Variants in LRRC3B observed in about 807,000 individuals in gnomAD.
LRRC3B encodes the protein leucine rich repeat containing 3B, also known as leucine-rich repeat-containing protein 3B.
LRRC3B carries 2 observed loss-of-function variants against 12.8 expected under a neutral mutation model. That is an observed-to-expected ratio of 0.16 (90% CI 0.06 to 0.49). The LOEUF (loss-of-function observed/expected upper bound fraction) is 0.49, where lower values mean the gene tolerates loss of function less well. Among genes scored for constraint, LRRC3B ranks in the 20% least tolerant of loss-of-function variants. The probability of loss-of-function intolerance (pLI) is 0.96; values close to 1 mark genes in which losing one functional copy is unlikely to be tolerated. For synonymous variants in LRRC3B, 132 were observed against 122.0 expected (o/e 1.08, Z -0.54); for missense variants, 189 against 319.4 (o/e 0.59, Z 3.11).
At chr3:26,705,615 C>G (rs2125462980) in intron 1 of LRRC3B, among the ~76,000 whole-genome samples, 1 of 152,136 alleles carries the variant, frequency 6.6e-6, no homozygotes, top group South Asian at 2.1e-4. Flanking sequence ...CTCTTCTTGC[C>G]CAGCAGCATA....
intron 1 of LRRC3B, among the ~76,000 whole-genome samples, chr3:26,704,177 T>TA (rs1226276778): frequency 2.6e-5 from 4 of 151,326 alleles, no homozygotes; most frequent in South Asian, 4.2e-4. Flanking sequence ...TTATCTTCTT[T>TA]AAAAAAATCT....
intron 1 of LRRC3B, among the ~76,000 whole-genome samples, chr3:26,707,443 C>G (rs1036413073): frequency 6.6e-6 from 1 of 152,068 alleles, no homozygotes; most frequent in Non-Finnish European, 1.5e-5. Context: ...TAATTGCTTA[C>G]TATTGTCTCT....
At chr3:26,688,725 A>G (rs1700134936) in intron 1 of LRRC3B, among the ~76,000 whole-genome samples, 1 of 152,144 alleles carries the variant, frequency 6.6e-6, no homozygotes, top group Admixed American at 6.5e-5. Flanking sequence ...CCCGTGTTCC[A>G]ATCACCTCCC....
intron 1 of LRRC3B, among the ~76,000 whole-genome samples, chr3:26,680,278 T>C (rs576304461): frequency 8.5e-5 from 13 of 152,330 alleles, no homozygotes; most frequent in Non-Finnish European, 1.8e-4. Context: ...GAGAGGGGAA[T>C]AATTAAATGT....
rs1698556957 is a variant in LRRC3B, at chr3:26,623,605, C to T, written c.-161+368C>T. ...CTCTCTGTGTGTTCTTGCCAGTCGA[C>T]TTTTCACTCCCCGCAGCTCTGGCTC... On this transcript the variant is annotated intron_variant, in intron 1 of 1. Coordinates refer to ENST00000396641, the Ensembl canonical transcript of LRRC3B. 2.6e-5 allele frequency: 4 copies of T among 152,812 alleles called. No individual in the cohort carries two copies. In the South Asian group the frequency reaches 8.3e-4, roughly 32 times the overall value. The allele number at this position is 152,812 out of a possible 1,614,324, so 9.5% of individuals were successfully genotyped here. A position where few individuals can be genotyped will look rare whatever the true frequency, so the allele number is the denominator to read the frequency against.
intron 1 of LRRC3B, among the ~76,000 whole-genome samples, chr3:26,643,804 G>C (rs74750982): frequency 0.037 from 5,609 of 152,288 alleles, 167 homozygotes; most frequent in Non-Finnish European, 0.051. Flanking sequence ...AGTCTCAGGA[G>C]TTACAGGTCT....
At chr3:26,635,759 C>G (rs539119759) in intron 1 of LRRC3B, among the ~76,000 whole-genome samples, 1 of 152,262 alleles carries the variant, frequency 6.6e-6, no homozygotes, top group South Asian at 2.1e-4. Context: ...AAAAATGGAC[C>G]TCGCTTTTGC....
At chr3:26,628,651 A>AT in intron 1 of LRRC3B, among the ~76,000 whole-genome samples, 1 of 152,082 alleles carries the variant, frequency 6.6e-6, no homozygotes, top group Non-Finnish European at 1.5e-5. Flanking sequence ...ATATCTACAT[A>AT]TACTTTATAA....
At chr3:26,634,987 A>G (rs554585962) in intron 1 of LRRC3B, among the ~76,000 whole-genome samples, 2 of 152,334 alleles carry the variant, frequency 1.3e-5, no homozygotes, top group African/African-American at 2.4e-5. Flanking sequence ...CTGATCGAAC[A>G]TGATCATGAG....
intron 1 of LRRC3B, among the ~76,000 whole-genome samples, chr3:26,630,749 T>C (rs1455025895): frequency 1.3e-5 from 2 of 152,182 alleles, no homozygotes; most frequent in Admixed American, 6.5e-5. Flanking sequence ...TTGAATTCTA[T>C]TGGTGGATGC....
At chr3:26,652,078 A>T (rs1477984486) in intron 1 of LRRC3B, among the ~76,000 whole-genome samples, 9 of 152,146 alleles carry the variant, frequency 5.9e-5, no homozygotes, top group Non-Finnish European at 1.3e-4. Context: ...CCCTACTATA[A>T]TTTTATTGGG....
intron 1 of LRRC3B, among the ~76,000 whole-genome samples, 198 bp downstream of exon 1, chr3:26,623,435 C>T (rs1698554403): frequency 6.6e-6 from 1 of 152,180 alleles, no homozygotes; most frequent in African/African-American, 2.4e-5. Flanking sequence ...CGACCCTCTT[C>T]GCTCCTGTTC....
intron 1 of LRRC3B, among the ~76,000 whole-genome samples, chr3:26,676,675 G>A (rs3933882): frequency 0.33 from 49,728 of 151,586 alleles, 11,944 homozygotes; most frequent in African/African-American, 0.67. Context: ...GTGGAAGTCA[G>A]TGTGGCGATT....
At chr3:26,686,444 T>A (rs572809310) in intron 1 of LRRC3B, among the ~76,000 whole-genome samples, 4 of 152,312 alleles carry the variant, frequency 2.6e-5, no homozygotes, top group African/African-American at 9.6e-5. Flanking sequence ...TCTTTATATA[T>A]CTAATTTGAA....
intron 1 of LRRC3B, among the ~76,000 whole-genome samples, chr3:26,689,898 CT>C (rs1700156398): frequency 6.6e-6 from 1 of 152,190 alleles, no homozygotes; most frequent in Non-Finnish European, 1.5e-5. Context: ...CCATCTGTGA[CT>C]TTTGGTGTTG....
intron 1 of LRRC3B, among the ~76,000 whole-genome samples, chr3:26,633,622 T>C (rs1393949357): frequency 6.6e-6 from 1 of 152,142 alleles, no homozygotes; most frequent in Non-Finnish European, 1.5e-5. Flanking sequence ...CCAGGGACAT[T>C]TGAACCGAAT....
intron 1 of LRRC3B, among the ~76,000 whole-genome samples, chr3:26,674,560 C>T (rs1699818575): frequency 1.3e-5 from 2 of 152,136 alleles, no homozygotes; most frequent in South Asian, 4.1e-4. Context: ...TCTATCTATT[C>T]AATTCCTGAT....
chr3:26,693,956 A>C (rs960113605), intron 1 of LRRC3B, among the ~76,000 whole-genome samples: 4 of 152,236 alleles, frequency 2.6e-5, no homozygotes, highest in Non-Finnish European at 5.9e-5. Context: ...TTTCTTTAAT[A>C]AAACAAAAAA....
intron 1 of LRRC3B, among the ~76,000 whole-genome samples, chr3:26,675,394 GAC>G (rs1254170720): frequency 1.3e-5 from 2 of 152,152 alleles, no homozygotes; most frequent in Non-Finnish European, 2.9e-5. Flanking sequence ...CCTTCAGCCA[GAC>G]ACACACTGTG....
Sources: allele counts gnomAD v4.1 joint callset (sites outside exome capture counted in the v4.1 genomes callset), GRCh38; gene constraint gnomAD v4.1.1; transcripts MANE v1.5; gene names NCBI Gene and HGNC (gene_info 2026-07-23, HGNC 2026-07-21).